CCDC91: variants seen among roughly 807,000 people sequenced by gnomAD.
CCDC91 encodes the protein coiled-coil domain-containing protein 91.
In CCDC91, 48 loss-of-function variants were observed where a neutral mutation model predicts 63.2. The observed-to-expected ratio is 0.76, with a 90% CI of 0.60 to 0.97. CCDC91 has a LOEUF of 0.97. Ranked by LOEUF, CCDC91 falls within the 50% of genes least tolerant of loss-of-function variation. The pLI, the probability that CCDC91 is intolerant of heterozygous loss-of-function variation, is 0.00. For synonymous variants in CCDC91, 167 were observed against 165.8 expected, an observed-to-expected ratio of 1.01 and a Z score of -0.06; for missense variants, 500 against 494.6, an observed-to-expected ratio of 1.01 and a Z score of -0.10.
intron 3 of CCDC91, among the ~76,000 whole-genome samples, chr12:28,262,512 T>TA (rs1946893947): frequency 6.6e-6 from 1 of 152,036 alleles, no homozygotes; most frequent in South Asian, 2.1e-4. Context: ...GATAATAATG[T>TA]ATTTCTTAAA....
chr12:28,334,058 GTGTA>G (rs1188576299), intron 6 of CCDC91, among the ~76,000 whole-genome samples: 6 of 149,184 alleles, frequency 4.0e-5, no homozygotes, highest in South Asian at 2.2e-4. Flanking sequence ...GTGTGTGTGT[GTGTA>G]TGTGTATGTG....
intron 8 of CCDC91, among the ~76,000 whole-genome samples, chr12:28,415,190 T>C (rs1170639304): frequency 1.3e-5 from 2 of 152,100 alleles, no homozygotes; most frequent in East Asian, 3.8e-4. Context: ...AGGTAAATTT[T>C]AGAAACCATG....
At chr12:28,201,298 C>T (rs879956333) in intron 1 of CCDC91, among the ~76,000 whole-genome samples, 2 of 151,218 alleles carry the variant, frequency 1.3e-5, no homozygotes, top group Non-Finnish European at 1.5e-5. Flanking sequence ...GGAGGGTCTC[C>T]TCACTTCTCA....
chr12:28,495,351 G>A (rs1952222578), intron 12 of CCDC91, among the ~76,000 whole-genome samples: 1 of 151,678 alleles, frequency 6.6e-6, no homozygotes, highest in Admixed American at 6.6e-5. Context: ...ATAATTTTAA[G>A]TTGGACTTTT....
intron 12 of CCDC91, among the ~76,000 whole-genome samples, chr12:28,506,561 A>G (rs1938739284): frequency 1.3e-5 from 2 of 151,968 alleles, no homozygotes; most frequent in East Asian, 3.9e-4. Context: ...AAAAGCAACA[A>G]ATGTTTAACA....
chr12:28,400,829 GTT>G (rs1946575771), intron 8 of CCDC91, among the ~76,000 whole-genome samples: 2 of 152,104 alleles, frequency 1.3e-5, no homozygotes, highest in African/African-American at 4.8e-5. Context: ...CTTTGCCCCA[GTT>G]CCCAACAAGT....
chr12:28,512,692 A>G (rs1445618483), intron 12 of CCDC91, among the ~76,000 whole-genome samples: 1 of 151,846 alleles, frequency 6.6e-6, no homozygotes, highest in Non-Finnish European at 1.5e-5. Context: ...CTTCCTCTAC[A>G]AAAGTTTGCC....
At chr12:28,517,030 C>T (rs1940024724) in intron 12 of CCDC91, among the ~76,000 whole-genome samples, 1 of 151,790 alleles carries the variant, frequency 6.6e-6, no homozygotes, top group Non-Finnish European at 1.5e-5. Context: ...GTGTCAATAC[C>T]CTATACATTC....
At chr12:28,495,052 G>C (rs1441273706) in intron 12 of CCDC91, among the ~76,000 whole-genome samples, 2 of 151,686 alleles carry the variant, frequency 1.3e-5, no homozygotes, top group South Asian at 2.1e-4. Flanking sequence ...GGTCTTCTAG[G>C]TCTTCAGTTT....
At chr12:28,432,904 TTTGGCCATTC>T (rs975962405) in intron 8 of CCDC91, among the ~76,000 whole-genome samples, 22 of 152,108 alleles carry the variant, frequency 1.4e-4, no homozygotes, top group Non-Finnish European at 4.4e-5. Context: ...AATGCTGGAT[TTTGGCCATTC>T]TGACAGGTAT....
Position 28,374,509 on chromosome 12 carries a change from T to C in CCDC91, c.654+11994T>C, listed in dbSNP as rs140806651. ...CTTCAAATATTAATTTAAACCTTAA[T>C]AAAGTGCCATATTTATTTTCCTCAT... On this transcript the variant is annotated intron_variant, in intron 7 of 12. Transcript: ENST00000536442. Among the ~76,000 whole-genome samples, 443 of 152,314 alleles carry C rather than the reference T, an allele frequency of 2.9e-3. 3 individuals are homozygous for C. The highest frequency in any genetic ancestry group is 0.01 in the African/African-American group (419 of 41,576).
At chr12:28,525,003 C>G (rs953969627) in intron 12 of CCDC91, among the ~76,000 whole-genome samples, 3 of 152,142 alleles carry the variant, frequency 2.0e-5, no homozygotes, top group African/African-American at 4.8e-5. Flanking sequence ...CTTGGTTAAT[C>G]TTGCTAATGG....
intron 12 of CCDC91, among the ~76,000 whole-genome samples, chr12:28,516,607 A>G (rs1179520692): frequency 6.6e-6 from 1 of 151,924 alleles, no homozygotes; most frequent in Non-Finnish European, 1.5e-5. Context: ...CTGTCTTAAA[A>G]AAGAAAGAAA....
chr12:28,348,266 G>T (rs906113334), intron 6 of CCDC91, among the ~76,000 whole-genome samples: 1 of 152,166 alleles, frequency 6.6e-6, no homozygotes, highest in African/African-American at 2.4e-5. Flanking sequence ...CAGGGAATTT[G>T]CTCCATAGCC....
At chr12:28,238,261 A>C (rs1945099242) in intron 1 of CCDC91, among the ~76,000 whole-genome samples, 1 of 152,186 alleles carries the variant, frequency 6.6e-6, no homozygotes, top group South Asian at 2.1e-4. Flanking sequence ...GAAAATGAGC[A>C]AAAGATATGA....
At chr12:28,400,341 C>T (rs953987268) in intron 8 of CCDC91, among the ~76,000 whole-genome samples, 10 of 145,832 alleles carry the variant, frequency 6.9e-5, no homozygotes, top group Middle Eastern at 3.4e-3. Flanking sequence ...GGTCTCTCCA[C>T]ACCCCCACCC....
chr12:28,537,321 T>A (rs1007110076), intron 12 of CCDC91, among the ~76,000 whole-genome samples: 1 of 152,202 alleles, frequency 6.6e-6, no homozygotes, highest in Non-Finnish European at 1.5e-5. Flanking sequence ...CATTACAATT[T>A]TTTTACTCTT....
At chr12:28,361,167 T>G (rs751156053) in intron 6 of CCDC91, among the ~76,000 whole-genome samples, 24 of 151,600 alleles carry the variant, frequency 1.6e-4, no homozygotes, top group Non-Finnish European at 2.7e-4. Context: ...CTTTTTTAAA[T>G]TTTTAAATTT....
At chr12:28,208,731 CTT>C (rs1294167963) in intron 1 of CCDC91, among the ~76,000 whole-genome samples, 3 of 152,118 alleles carry the variant, frequency 2.0e-5, no homozygotes, top group African/African-American at 7.2e-5. Flanking sequence ...GAAGACTTAA[CTT>C]TTGTCTCTTG....
Sources: gnomAD v4.1 joint callset for allele counts (sites outside exome capture counted in the v4.1 genomes callset) on GRCh38, gnomAD v4.1.1 for gene constraint, MANE v1.5 for transcripts, NCBI Gene and HGNC (gene_info 2026-07-23, HGNC 2026-07-21) for gene names.